GOLGB1: variants seen among roughly 807,000 people sequenced by gnomAD.
GOLGB1 encodes golgin B1.
In GOLGB1, 174 loss-of-function variants were observed where a neutral mutation model predicts 336.9. That is an observed-to-expected ratio of 0.52 (90% CI 0.46 to 0.59). GOLGB1 has a LOEUF of 0.59. Among genes scored for constraint, GOLGB1 ranks in the 20% least tolerant of loss-of-function variants. The pLI is 0.00. For missense variants in GOLGB1, 3,331 were observed against 3,645.3 expected, an observed-to-expected ratio of 0.91 and a Z score of 2.22; for synonymous variants, 1,208 against 1,289.2, an observed-to-expected ratio of 0.94 and a Z score of 1.35.
intron 17 of GOLGB1, 41 bp from the exon 18 acceptor site, chr3:121,669,396 TA>T: frequency 6.5e-7 from 1 of 1,528,290 alleles, no homozygotes. Flanking sequence ...TGCAGTACTG[TA>T]AGCAGTGCTG....
intron 15 of GOLGB1, among the ~76,000 whole-genome samples, chr3:121,677,698 T>G (rs1000790252): frequency 6.6e-6 from 1 of 152,206 alleles, no homozygotes; most frequent in Non-Finnish European, 1.5e-5. Context: ...ATAAATATCC[T>G]TTTAGATTGC....
chr3:121,700,166 G>A (rs1448432700), intron 11 of GOLGB1, among the ~76,000 whole-genome samples: 2 of 152,024 alleles, frequency 1.3e-5, no homozygotes, highest in African/African-American at 4.8e-5. Flanking sequence ...ACATAAAGCA[G>A]CTATTTCTGT....
In GOLGB1 at chr3:121,696,807, C is replaced by T; in HGVS notation, c.3716G>A (p.Arg1239Lys). 6.2e-7 allele frequency: 1 copy of T among 1,614,084 alleles called. No homozygotes were observed. Among genetic ancestry groups the T allele is most frequent in the Non-Finnish European group, 8.5e-7 (1 of 1,179,972 alleles). The change falls in exon 13 of 22, where the codon AGG (arginine) becomes AAG (lysine). Residue 1239 changes from arginine to lysine, a missense_variant. Coordinates refer to ENST00000614479, the MANE Select transcript of GOLGB1 (RefSeq NM_001366282.2). ...KENENIGDQL[R>K]QLQIQVRESI... ...TTCCCTTACTTGAATCTGGAGTTGCCTTAGCTGGTCTCCAATATTCTCATT... is the reference window on the plus strand; with the variant it reads ...TTCCCTTACTTGAATCTGGAGTTGCTTTAGCTGGTCTCCAATATTCTCATT...
At chr3:121,666,040 G>A (rs147762421) in intron 20 of GOLGB1, among the ~76,000 whole-genome samples, 49 of 152,270 alleles carry the variant, frequency 3.2e-4, no homozygotes, top group Middle Eastern at 3.4e-3. Flanking sequence ...CTTTGATCTG[G>A]AACAGCATGG....
chr3:121,696,956 T>TA lies in GOLGB1; in HGVS notation c.3566dup (p.Leu1189PhefsTer9). On this transcript the variant is annotated frameshift_variant, in exon 13 of 22. Transcript: ENST00000614479. LOFTEE classifies it high-confidence loss of function. Reference sequence around the variant, plus strand: ...TTTTAAGAATTGCCTTGCGGGAGGTTAAGGCTTCCTGTAGCTTCTTTTGAA... The same window carrying TA: ...TTTTAAGAATTGCCTTGCGGGAGGTTAAAGGCTTCCTGTAGCTTCTTTTGAA... 1 of 1,614,072 alleles carries TA rather than the reference T, an allele frequency of 6.2e-7. No individual in the cohort carries two copies. The highest frequency in any genetic ancestry group is 8.5e-7 in the Non-Finnish European group (1 of 1,179,974).
At position 121,729,922 on chromosome 3, in the gene GOLGB1, T is replaced by C; in HGVS notation, c.192A>G (p.Leu64=). 6.2e-7 allele frequency: 1 copy of C among 1,611,502 alleles called. No homozygotes were observed. The highest frequency in any genetic ancestry group is 8.5e-7 in the Non-Finnish European group (1 of 1,177,646). Residue 64 remains leucine, a synonymous_variant, in exon 3 of 22, where the codon CTA becomes CTG. Transcript: ENST00000614479. ...LAYAEQLVVE[L]KDIIRQKDVQ... is the part of the protein sequence containing the mutation. ...CATCCTTCTGTCTAATAATATCTTT[T>C]AGCTCCACCACCAATTGCTCTGCAT... is the stretch of plus-strand genomic sequence containing the variant.
chr3:121,694,192 G>T lies in GOLGB1; in HGVS notation c.6331C>A (p.Gln2111Lys). Residue 2111 changes from glutamine (Q) to lysine (K), a missense_variant, in exon 13 of 22, where the codon CAG becomes AAG. Coordinates refer to ENST00000614479, the MANE Select transcript of GOLGB1 (RefSeq NM_001366282.2). ...CTTTTAACTGATTCTTTATTTGACT[G>T]AAGTTCCTTTTTCAACTTGAGATTG... ...ADNLKLKKEL[Q>K]SNKESVKSQM... 6.2e-7 allele frequency: 1 copy of T among 1,612,936 alleles called. No individual in the cohort carries two copies.
chr3:121,691,215 A>G lies in GOLGB1; in HGVS notation c.8149T>C (p.Leu2717=), dbSNP rs2107779732. 6.2e-7 allele frequency: 1 copy of G among 1,613,920 alleles called. No individual in the cohort carries two copies. Among genetic ancestry groups the G allele is most frequent in the Non-Finnish European group, 8.5e-7 (1 of 1,179,988 alleles). Residue 2717 remains leucine (L), a synonymous_variant, in exon 14 of 22, where the codon TTG becomes CTG. Transcript: ENST00000614479. The part of the protein sequence containing the change: ...EERVAELARD[L]VEMEQKLLMV... Reference sequence around the variant, plus strand: ...AGTAATTTCTGTTCCATCTCCACCAAATCTCTTGCTAGCTCTGCCACTCTC... The same window carrying G: ...AGTAATTTCTGTTCCATCTCCACCAGATCTCTTGCTAGCTCTGCCACTCTC...
chr3:121,675,766 T>A (rs900967124), intron 17 of GOLGB1, among the ~76,000 whole-genome samples: 17 of 152,178 alleles, frequency 1.1e-4, no homozygotes, highest in African/African-American at 4.1e-4. Flanking sequence ...ACATTAAAAA[T>A]TTTTTTTAGT....
chr3:121,744,400 A>C (rs1373034594), intron 1 of GOLGB1, among the ~76,000 whole-genome samples: 1 of 146,128 alleles, frequency 6.8e-6, no homozygotes, highest in African/African-American at 2.5e-5. Flanking sequence ...TGAGCTCAAG[A>C]GTTCAAGACC....
intron 17 of GOLGB1, among the ~76,000 whole-genome samples, chr3:121,671,002 G>C (rs1167989681): frequency 6.6e-6 from 1 of 152,060 alleles, no homozygotes; most frequent in Non-Finnish European, 1.5e-5. Context: ...TATGATCCAG[G>C]GCCTGCTGCC....
chr3:121,728,392 T>TA (rs1446175277), intron 4 of GOLGB1, among the ~76,000 whole-genome samples: 3 of 151,988 alleles, frequency 2.0e-5, no homozygotes, highest in Non-Finnish European at 4.4e-5. Flanking sequence ...AAAATGAAAC[T>TA]AAAAAAATAA....
chr3:121,697,461 A>G lies in GOLGB1; in HGVS notation c.3062T>C (p.Leu1021Ser). 1.2e-6 allele frequency: 2 copies of G among 1,611,360 alleles called. No individual in the cohort carries two copies. The highest frequency in any genetic ancestry group is 1.7e-6 in the Non-Finnish European group (2 of 1,179,492). ...CTTAGATTCATCTTTCAAGTTGGCT[A>G]ATTCTTCTTCCAATCTACTGACTCT... Reference protein sequence around the residue: ...LQRVSRLEEELANLKDESKKE... With the variant: ...LQRVSRLEEESANLKDESKKE... Residue 1021 changes from leucine to serine, a missense_variant, in exon 13 of 22, where the codon TTA becomes TCA. By Grantham distance (145) the Leu-to-Ser change is moderately radical (BLOSUM62 -2). Coordinates refer to ENST00000614479, the MANE Select transcript of GOLGB1 (RefSeq NM_001366282.2).
chr3:121,669,996 A>G (rs1939255763), intron 17 of GOLGB1, among the ~76,000 whole-genome samples: 1 of 152,220 alleles, frequency 6.6e-6, no homozygotes, highest in Non-Finnish European at 1.5e-5. Flanking sequence ...TGCATGACTA[A>G]CAGGTCATCG....
intron 10 of GOLGB1, among the ~76,000 whole-genome samples, chr3:121,707,648 A>C (rs961050803): frequency 2.6e-5 from 4 of 151,888 alleles, no homozygotes; most frequent in African/African-American, 9.7e-5. Context: ...AAAAAAAAAA[A>C]AGAAAAAAAA....
chr3:121,665,597 C>T (rs941362215), intron 20 of GOLGB1, among the ~76,000 whole-genome samples: 1 of 152,234 alleles, frequency 6.6e-6, no homozygotes, highest in Admixed American at 6.5e-5. Context: ...CCACTGCCTT[C>T]TGGCTCAGTT....
intron 17 of GOLGB1, among the ~76,000 whole-genome samples, chr3:121,672,606 C>T (rs1245468599): frequency 6.6e-6 from 1 of 152,164 alleles, no homozygotes; most frequent in Non-Finnish European, 1.5e-5. Flanking sequence ...TGATTGCTTC[C>T]TTTGCTGAAC....
chr3:121,726,291 A>G (rs79840033), intron 5 of GOLGB1, among the ~76,000 whole-genome samples: 2 of 151,330 alleles, frequency 1.3e-5, no homozygotes, highest in Admixed American at 1.3e-4. Flanking sequence ...AAAATTAGCC[A>G]GGCATGGTGG....
Position 121,698,588 on chromosome 3 carries a change from C to T in GOLGB1, c.1935G>A (p.Ala645=), listed in dbSNP as rs112783488. Residue 645 remains alanine, a synonymous_variant, in exon 13 of 22, where the codon GCG becomes GCA. Transcript: ENST00000614479. ...ATGTTCTACTTTGATGTTCAGTGCT[C>T]GCCTGTTCTTTTTCAACTGCTGGAA... The part of the protein sequence containing the change: ...SSLPAVEKEQ[A]STEHQSRTSE... 1.1e-4 allele frequency: 174 copies of T among 1,613,686 alleles called. No homozygotes were observed. In the African/African-American group the frequency reaches 1.2e-3, roughly 11 times the overall value.
Sources: gnomAD v4.1 joint callset for allele counts (sites outside exome capture counted in the v4.1 genomes callset) on GRCh38, gnomAD v4.1.1 for gene constraint, MANE v1.5 for transcripts, NCBI Gene and HGNC (gene_info 2026-07-23, HGNC 2026-07-21) for gene names.